The following TESK2 variants were observed in gnomAD, a reference collection of about 807,000 sequenced individuals.
The protein encoded by TESK2 is dual specificity testis-specific protein kinase 2.
TESK2 carries 39 observed loss-of-function variants against 57.1 expected under a neutral mutation model. The ratio of observed to expected loss-of-function variants is 0.68; its 90% confidence interval spans 0.53 to 0.89. The LOEUF (loss-of-function observed/expected upper bound fraction) is 0.89. TESK2 is among the 40% of genes least tolerant of loss of function. TESK2 has a pLI of 0.00. For missense variants in TESK2, 646 were observed against 732.1 expected (o/e 0.88, Z 1.36); for synonymous variants, 249 against 267.9 (o/e 0.93, Z 0.69).
chr1:45,382,635 C>A (rs1312081084), intron 4 of TESK2, among the ~76,000 whole-genome samples: 1 of 152,164 alleles, frequency 6.6e-6, no homozygotes, highest in East Asian at 1.9e-4. Flanking sequence ...CTTTGGGAGG[C>A]CAAGGCAGGC....
At chr1:45,370,780 A>AT (rs1222616076) in intron 4 of TESK2, among the ~76,000 whole-genome samples, 2 of 152,202 alleles carry the variant, frequency 1.3e-5, no homozygotes, top group Non-Finnish European at 2.9e-5. Flanking sequence ...TGAGACAGGA[A>AT]TAGAGAGGCA....
chr1:45,371,190 T>C (rs1034777082), intron 4 of TESK2, among the ~76,000 whole-genome samples: 6 of 151,168 alleles, frequency 4.0e-5, no homozygotes, highest in East Asian at 1.9e-4. Flanking sequence ...AGAAAAAAAA[T>C]ATGGCAGTTC....
At chr1:45,354,097 A>T (rs1288765081) in intron 5 of TESK2, among the ~76,000 whole-genome samples, 4 of 152,188 alleles carry the variant, frequency 2.6e-5, no homozygotes, top group Admixed American at 2.0e-4. Flanking sequence ...TACTGCCTTG[A>T]CTGCTGTCAT....
In TESK2 at chr1:45,457,862, TG is replaced by T; in HGVS notation, c.-78del. 1 of 1,316,042 alleles carries T rather than the reference TG, an allele frequency of 7.6e-7. No individual in the cohort carries two copies. Among genetic ancestry groups the T allele is most frequent in the South Asian group, 1.3e-5 (1 of 78,742 alleles). 81.5% of individuals were successfully genotyped at this position (1,316,042 alleles called of 1,614,324 possible). Reference sequence around the variant, plus strand: ...TTTTTGTTGAATTTTACTTCTCTTCTGGTTTGACACTAAAGAGATCAAAAAA... The same window carrying T: ...TTTTTGTTGAATTTTACTTCTCTTCTGTTTGACACTAAAGAGATCAAAAAA... On this transcript the variant is annotated 5_prime_UTR_variant, in exon 2 of 11. The change abolishes the stop of an existing upstream ORF in the 5' untranslated region. Coordinates refer to ENST00000372086, the MANE Select transcript of TESK2 (RefSeq NM_007170.3).
intron 1 of TESK2, among the ~76,000 whole-genome samples, chr1:45,466,635 G>A (rs1451899600): frequency 6.6e-6 from 1 of 150,482 alleles, no homozygotes; most frequent in Non-Finnish European, 1.5e-5. Context: ...GGGCAACAGA[G>A]CAAGACTCTA....
At chr1:45,465,972 G>A (rs992806281) in intron 1 of TESK2, among the ~76,000 whole-genome samples, 1 of 152,056 alleles carries the variant, frequency 6.6e-6, no homozygotes, top group South Asian at 2.1e-4. Context: ...GGTTTTCAAA[G>A]AAGTTACTGA....
chr1:45,473,530 C>T (rs1468029498), intron 1 of TESK2, among the ~76,000 whole-genome samples: 1 of 152,138 alleles, frequency 6.6e-6, no homozygotes, highest in Non-Finnish European at 1.5e-5. Context: ...GGATTGGACA[C>T]TACAGAAGGC....
intron 2 of TESK2, among the ~76,000 whole-genome samples, chr1:45,425,495 A>G (rs975314297): frequency 6.6e-6 from 1 of 152,082 alleles, no homozygotes; most frequent in Non-Finnish European, 1.5e-5. Flanking sequence ...TCTACAAAAA[A>G]TACAAAAAAA....
intron 4 of TESK2, among the ~76,000 whole-genome samples, chr1:45,364,781 T>G (rs1348939919): frequency 1.3e-5 from 2 of 152,080 alleles, no homozygotes; most frequent in Non-Finnish European, 2.9e-5. Context: ...GTGATAGATA[T>G]GAGAAATAAG....
chr1:45,426,163 A>G (rs1650681551), intron 2 of TESK2, among the ~76,000 whole-genome samples: 1 of 152,174 alleles, frequency 6.6e-6, no homozygotes, highest in Non-Finnish European at 1.5e-5. Context: ...AAAGAAAAAA[A>G]GAAAGAAACT....
chr1:45,352,749 G>T (rs9429075), intron 5 of TESK2, among the ~76,000 whole-genome samples: 2 of 151,872 alleles, frequency 1.3e-5, no homozygotes, highest in Non-Finnish European at 2.9e-5. Context: ...GTGTGTGTGT[G>T]GGGGGAGTAT....
chr1:45,384,033 T>C (rs571102669), intron 4 of TESK2, among the ~76,000 whole-genome samples: 18 of 152,330 alleles, frequency 1.2e-4, no homozygotes, highest in African/African-American at 4.3e-4. Context: ...GACTAGTCAC[T>C]GTTATTTTGT....
chr1:45,426,907 C>T (rs1650717954), intron 2 of TESK2, among the ~76,000 whole-genome samples: 1 of 152,142 alleles, frequency 6.6e-6, no homozygotes. Context: ...GATATCATCT[C>T]ACCCTAGTTA....
chr1:45,455,655 T>C (rs1161394344), intron 2 of TESK2, among the ~76,000 whole-genome samples: 1 of 152,166 alleles, frequency 6.6e-6, no homozygotes, highest in Non-Finnish European at 1.5e-5. Flanking sequence ...ATGAGAAAGT[T>C]CTGGAAAAGG....
At chr1:45,446,112 A>G (rs1651637466) in intron 2 of TESK2, among the ~76,000 whole-genome samples, 1 of 152,096 alleles carries the variant, frequency 6.6e-6, no homozygotes, top group African/African-American at 2.4e-5. Context: ...TATTTAAGAA[A>G]TAAATCATTT....
intron 4 of TESK2, among the ~76,000 whole-genome samples, chr1:45,373,471 G>A (rs1648285775): frequency 6.6e-6 from 1 of 152,176 alleles, no homozygotes; most frequent in Non-Finnish European, 1.5e-5. Context: ...AGCTACTTGT[G>A]CCTAGTATTA....
intron 4 of TESK2, among the ~76,000 whole-genome samples, chr1:45,367,237 GGA>G (rs1412525966): frequency 6.6e-6 from 1 of 152,136 alleles, no homozygotes; most frequent in East Asian, 1.9e-4. Context: ...TCTACATTGA[GGA>G]GACCATGTTG....
chr1:45,477,994 C>T (rs1430746194), intron 1 of TESK2, among the ~76,000 whole-genome samples: 2 of 152,152 alleles, frequency 1.3e-5, no homozygotes, highest in Admixed American at 6.6e-5. Context: ...CACTCTCACA[C>T]TTTTTTCAAT....
At chr1:45,348,427 G>T (rs1647180319) in intron 5 of TESK2, among the ~76,000 whole-genome samples, 1 of 152,196 alleles carries the variant, frequency 6.6e-6, no homozygotes, top group Admixed American at 6.5e-5. Context: ...TTGCCAACTT[G>T]ATATAAGCAC....
Sources: allele counts gnomAD v4.1 joint callset (sites outside exome capture counted in the v4.1 genomes callset), GRCh38; gene constraint gnomAD v4.1.1; transcripts MANE v1.5; gene names NCBI Gene and HGNC (gene_info 2026-07-23, HGNC 2026-07-21).